Variants in MYOZ3 observed in about 807,000 individuals in gnomAD.
MYOZ3 encodes the protein myozenin 3.
A neutral mutation model predicts 26.5 loss-of-function variants in MYOZ3; 19 were observed. The ratio of observed to expected loss-of-function variants is 0.72; its 90% CI spans 0.50 to 1.05. MYOZ3 has a LOEUF of 1.05. MYOZ3 is among the 50% of genes least tolerant of loss of function. The pLI, the probability that MYOZ3 is intolerant of heterozygous loss-of-function variation, is 0.00. For missense variants in MYOZ3, 322 were observed against 337.1 expected (o/e 0.96, Z 0.35); for synonymous variants, 135 against 138.8 (o/e 0.97, Z 0.19).
chr5:150,674,228 T>A (rs1310331775), intron 6 of MYOZ3, among the ~76,000 whole-genome samples: 1 of 152,158 alleles, frequency 6.6e-6, no homozygotes, highest in Non-Finnish European at 1.5e-5. Flanking sequence ...GCCTGCCCAG[T>A]CATTTGAAAC....
Position 150,662,947 on chromosome 5 carries a change from C to T in MYOZ3, c.6C>T (p.Ile2=). 2 of 1,611,618 alleles carry T rather than the reference C, an allele frequency of 1.2e-6. No homozygotes were observed. The highest frequency in any genetic ancestry group is 1.7e-4 in the Middle Eastern group (1 of 6,010). Residue 2 remains isoleucine (I), a synonymous_variant, in exon 2 of 7, where the codon ATC becomes ATT. Transcript: ENST00000517768. M[I]PKEQKGPVMA... is the part of the protein sequence containing the mutation. Reference sequence around the variant, plus strand: ...GGGGGTCTCTCCTCCACAGGATGATCCCCAAGGAGCAGAAGGGGCCAGTGA... The same window carrying T: ...GGGGGTCTCTCCTCCACAGGATGATTCCCAAGGAGCAGAAGGGGCCAGTGA...
chr5:150,670,712 G>C, intron 3 of MYOZ3, 74 bp downstream of exon 3: 1 of 1,436,898 alleles, frequency 7.0e-7, no homozygotes, highest in Non-Finnish European at 9.4e-7. Context: ...AAAGTCAAAC[G>C]GTAAGCCAGG....
chr5:150,662,828 T>A, intron 1 of MYOZ3, 113 bp from the exon 2 acceptor site: 1 of 874,238 alleles, frequency 1.1e-6, no homozygotes, highest in South Asian at 1.5e-5. Context: ...GCTTGTGATT[T>A]GGGGCTGGCC....
chr5:150,664,532 T>A (rs1034002033), intron 2 of MYOZ3, among the ~76,000 whole-genome samples: 1 of 152,246 alleles, frequency 6.6e-6, no homozygotes, highest in Admixed American at 6.5e-5. Context: ...AAGTAAAAGT[T>A]ATAAAAATGT....
intron 6 of MYOZ3, among the ~76,000 whole-genome samples, chr5:150,673,711 T>C (rs999702133): frequency 6.6e-6 from 1 of 152,164 alleles, no homozygotes; most frequent in Non-Finnish European, 1.5e-5. Flanking sequence ...CATTTACCAT[T>C]CTGCACTGAG....
In MYOZ3 at chr5:150,678,548, G is replaced by C. The variant is rs1230126042; in HGVS notation, c.*1673G>C. ...CCACTCGCTCTGAAATCATCTGACT[G>C]TGATGCCCTGCCTTGGAGTTTAGAA... On this transcript the variant is annotated 3_prime_UTR_variant, in exon 7 of 7. Transcript: ENST00000517768. 2 of 152,348 alleles carry C rather than the reference G, an allele frequency of 1.3e-5. No homozygotes were observed. Among genetic ancestry groups the C allele is most frequent in the East Asian group, 3.7e-4 (2 of 5,336 alleles). The allele number at this position is 152,348 out of a possible 1,614,324, so 9.4% of individuals were successfully genotyped here. A position where few individuals can be genotyped will look rare whatever the true frequency, so the allele number is the denominator to read the frequency against.
chr5:150,665,165 C>T (rs981961786), intron 2 of MYOZ3, among the ~76,000 whole-genome samples: 5 of 152,056 alleles, frequency 3.3e-5, no homozygotes, highest in Non-Finnish European at 5.9e-5. Context: ...TGAGATCCTT[C>T]GGGGCAGAAC....
At chr5:150,672,887 C>T (rs761517475) in intron 6 of MYOZ3, 66 of 206,824 alleles carry the variant, frequency 3.2e-4, no homozygotes, top group Non-Finnish European at 5.6e-4. Flanking sequence ...GAGCCCAGTG[C>T]CTTGTTCTCC....
At position 150,662,354 on chromosome 5, in the gene MYOZ3, G is replaced by A. The variant is rs17111265; in HGVS notation, c.-1-587G>A. 3.7e-3 allele frequency among the ~76,000 whole-genome samples: 558 copies of A among 152,272 alleles called. 2 individuals carry two copies. The highest frequency in any genetic ancestry group is 0.013 in the African/African-American group (532 of 41,524). On this transcript the variant is annotated intron_variant, in intron 1 of 6. Coordinates refer to ENST00000517768, the MANE Select transcript of MYOZ3 (RefSeq NM_001122853.3). ...GGGACGAGGGAGAAGAGAACACCAC[G>A]GAAGTTAGCCCAGTAGCGGGGAGAT...
intron 2 of MYOZ3, among the ~76,000 whole-genome samples, chr5:150,666,191 A>T (rs1475625898): frequency 6.6e-6 from 1 of 152,204 alleles, no homozygotes; most frequent in East Asian, 1.9e-4. Context: ...AGTTACAACA[A>T]AACAGTGTAA....
chr5:150,664,744 G>C (rs1375200010), intron 2 of MYOZ3, among the ~76,000 whole-genome samples: 1 of 152,072 alleles, frequency 6.6e-6, no homozygotes, highest in African/African-American at 2.4e-5. Flanking sequence ...AGGTCTCTTT[G>C]TCTTCAGAGC....
Position 150,678,355 on chromosome 5 carries a change from T to C in MYOZ3, c.*1480T>C, listed in dbSNP as rs1468434117. The C allele has an allele frequency of 2.0e-5, 3 of 152,230 alleles. No homozygotes were observed. Among genetic ancestry groups the C allele is most frequent in the Admixed American group, 6.5e-5 (1 of 15,282 alleles). The allele number at this position is 152,230 out of a possible 1,614,324, so 9.4% of individuals were successfully genotyped here. On this transcript the variant is annotated 3_prime_UTR_variant, in exon 7 of 7. Transcript: ENST00000517768. ...GGGCTGGTAGTAGTTTCTCTACATATCTTATTTCTAATTCTCAGAACAACC... is the reference window on the plus strand; with the variant it reads ...GGGCTGGTAGTAGTTTCTCTACATACCTTATTTCTAATTCTCAGAACAACC...
At chr5:150,672,598 A>C (rs1280048356) in intron 6 of MYOZ3, 96 bp downstream of exon 6, 2 of 1,404,544 alleles carry the variant, frequency 1.4e-6, no homozygotes, top group East Asian at 4.8e-5. Flanking sequence ...CACTTTCTGC[A>C]GGCCAGGCTC....
At position 150,672,553 on chromosome 5, in the gene MYOZ3, A is replaced by T. The variant is rs144169946; in HGVS notation, c.587+51A>T. ...GACAGACCGGGAGGGGCGGGAAGCC[A>T]GTCACAGCCACAGCGGGAGCCTGCG... On this transcript the variant is annotated intron_variant, in intron 6 of 6. Coordinates refer to ENST00000517768, the MANE Select transcript of MYOZ3 (RefSeq NM_001122853.3). 13,915 of 1,517,026 alleles carry T rather than the reference A, an allele frequency of 9.2e-3. 1,223 individuals carry two copies. The Admixed American group carries it at 0.2, about 22-fold the overall frequency. The allele number at this position is 1,517,026 out of a possible 1,614,324, so 94.0% of individuals were successfully genotyped here. A position where few individuals can be genotyped will look rare whatever the true frequency, so the allele number is the denominator to read the frequency against.
At position 150,676,726 on chromosome 5, in the gene MYOZ3, G is replaced by A; in HGVS notation, c.607G>A (p.Gly203Arg). Residue 203 changes from glycine (G) to arginine (R), a missense_variant, in exon 7 of 7, where the codon GGA (glycine) becomes AGA (arginine). By Grantham distance (125) the Gly-to-Arg change is moderately radical. Transcript: ENST00000517768. ...NFNKTPVPFG[G>R]PLVGGTFPRP... ...CTCCAGGACCCCGGTGCCATTTGGA[G>A]GACCCCTCGTGGGGGGCACTTTTCC... is the stretch of plus-strand genomic sequence containing the variant. 1.2e-6 allele frequency: 2 copies of A among 1,613,944 alleles called. No individual in the cohort carries two copies. The highest frequency in any genetic ancestry group is 1.1e-5 in the South Asian group (1 of 91,072).
intron 2 of MYOZ3, 151 bp from the exon 3 acceptor site, chr5:150,670,333 G>A (rs1758881745): frequency 7.1e-6 from 6 of 841,674 alleles, no homozygotes; most frequent in Non-Finnish European, 8.4e-6. Flanking sequence ...CCATCAGGTG[G>A]GCAAAGATTT....
intron 2 of MYOZ3, among the ~76,000 whole-genome samples, chr5:150,663,375 A>G (rs559656276): frequency 4.6e-5 from 7 of 152,246 alleles, no homozygotes; most frequent in African/African-American, 1.4e-4. Context: ...GCCTTTGCCT[A>G]TTACTCCTGT....
chr5:150,666,630 A>AATATATATAT, intron 2 of MYOZ3, among the ~76,000 whole-genome samples: 1 of 123,056 alleles, frequency 8.1e-6, no homozygotes, highest in East Asian at 2.3e-4. Context: ...AAAAAAAAAA[A>AATATATATAT]ATATATATAT....
chr5:150,672,030 A>T, intron 5 of MYOZ3, 122 bp downstream of exon 5: 1 of 1,345,284 alleles, frequency 7.4e-7, no homozygotes. Flanking sequence ...ACACACGCGC[A>T]CGCGCGCACT....
Sources: gnomAD v4.1 joint callset for allele counts (sites outside exome capture counted in the v4.1 genomes callset) on GRCh38, gnomAD v4.1.1 for gene constraint, MANE v1.5 for transcripts, NCBI Gene and HGNC (gene_info 2026-07-23, HGNC 2026-07-21) for gene names.